The following TSPAN12 variants were observed in gnomAD, a reference collection of about 807,000 sequenced individuals.
The protein encoded by TSPAN12 is tetraspanin-12.
TSPAN12 carries 19 observed loss-of-function variants against 39.2 expected under a neutral mutation model. The observed-to-expected ratio is 0.49, with a 90% CI of 0.34 to 0.71. The LOEUF (loss-of-function observed/expected upper bound fraction) is 0.71. TSPAN12 is among the 30% of genes least tolerant of loss of function. The pLI is 0.01. For synonymous variants in TSPAN12, 119 were observed against 124.8 expected (o/e 0.95, Z 0.31); for missense variants, 314 against 359.9 (o/e 0.87, Z 1.03).
At chr7:120,839,882 G>C (rs1794545271) in intron 3 of TSPAN12, 145 bp downstream of exon 3, 2 of 679,548 alleles carry the variant, frequency 2.9e-6, no homozygotes, top group African/African-American at 3.6e-5. Flanking sequence ...GAATTCTGGA[G>C]GATGCAAGTG....
At chr7:120,828,424 C>T (rs554546072) in intron 4 of TSPAN12, among the ~76,000 whole-genome samples, 17 of 152,164 alleles carry the variant, frequency 1.1e-4, no homozygotes, top group Non-Finnish European at 2.1e-4. Context: ...CTAAGACATA[C>T]ATGTGCCCTT....
chr7:120,856,687 AACTT>A lies in TSPAN12; in HGVS notation c.66+7_66+10del, dbSNP rs778359162. ...CCGTTCCCACCTGTTGGTGCAGTGA[AACTT>A]ACTTACCCAAAAGAGCAGATTGAGG... is the stretch of plus-strand genomic sequence containing the variant. On this transcript the variant is annotated splice_region_variant and intron_variant, in intron 2 of 7. Coordinates refer to ENST00000222747, the MANE Select transcript of TSPAN12 (RefSeq NM_012338.4). 1.9e-5 allele frequency: 31 copies of A among 1,614,062 alleles called. No individual in the cohort carries two copies. Among genetic ancestry groups the A allele is most frequent in the East Asian group, 4.5e-5 (2 of 44,884 alleles).
intron 7 of TSPAN12, among the ~76,000 whole-genome samples, chr7:120,789,397 T>C (rs1793476764): frequency 6.6e-6 from 1 of 152,202 alleles, no homozygotes; most frequent in Non-Finnish European, 1.5e-5. Flanking sequence ...ATGTTTACGA[T>C]TTAATAATAC....
chr7:120,801,649 T>G (rs937691128), intron 7 of TSPAN12, among the ~76,000 whole-genome samples: 3 of 152,190 alleles, frequency 2.0e-5, no homozygotes, highest in African/African-American at 7.2e-5. Flanking sequence ...CCTCTTTGTT[T>G]TACATTTTGA....
At chr7:120,789,005 G>T (rs1033860085) in intron 7 of TSPAN12, 108 bp from the exon 8 acceptor site, 3 of 1,138,012 alleles carry the variant, frequency 2.6e-6, no homozygotes, top group Non-Finnish European at 3.9e-6. Flanking sequence ...AGACTAACTG[G>T]GATCATAAAG....
chr7:120,810,677 G>A, intron 5 of TSPAN12, 107 bp from the exon 6 acceptor site: 1 of 741,118 alleles, frequency 1.3e-6, no homozygotes, highest in Non-Finnish European at 2.5e-6. Flanking sequence ...TACTCGGAAT[G>A]TCTTCTAATT....
upstream of TSPAN12, chr7:120,858,198 TC>T (rs1205242392): frequency 4.6e-5 from 7 of 152,284 alleles, no homozygotes; most frequent in Admixed American, 3.9e-4. Flanking sequence ...TTCTTGTCCC[TC>T]TCACCCAGCG....
intron 4 of TSPAN12, among the ~76,000 whole-genome samples, chr7:120,834,904 C>T (rs1279909361): frequency 3.3e-5 from 5 of 152,180 alleles, no homozygotes; most frequent in East Asian, 1.9e-4. Context: ...ACTATTTTAC[C>T]GCCCACCCCT....
intron 2 of TSPAN12, among the ~76,000 whole-genome samples, chr7:120,846,754 T>C (rs747514679): frequency 5.9e-5 from 9 of 152,216 alleles, no homozygotes; most frequent in Admixed American, 1.3e-4. Flanking sequence ...ATCAGGGATA[T>C]AAATATGTAA....
rs535658634 is a variant in TSPAN12 at position 120,827,835 on chromosome 7, G to T, written c.285+10942C>A. On this transcript the variant is annotated intron_variant, in intron 4 of 7. Transcript: ENST00000222747. ...CACTGACACTAGTTGTTTAAGAAAA[G>T]TCTTTTCCCTGAGGCTGAAAAATCG... 3.9e-5 allele frequency among the ~76,000 whole-genome samples: 6 copies of T among 152,284 alleles called. No homozygotes were observed. The East Asian group carries it at 9.6e-4, about 24-fold the overall frequency.
intron 7 of TSPAN12, among the ~76,000 whole-genome samples, chr7:120,790,325 G>C (rs1793497782): frequency 6.6e-6 from 1 of 152,126 alleles, no homozygotes; most frequent in South Asian, 2.1e-4. Context: ...ATCTCTCTGT[G>C]CTTCAGTTTT....
At chr7:120,832,109 C>G (rs1429634864) in intron 4 of TSPAN12, among the ~76,000 whole-genome samples, 2 of 151,976 alleles carry the variant, frequency 1.3e-5, no homozygotes, top group Non-Finnish European at 2.9e-5. Flanking sequence ...ACATTACTAT[C>G]ATGTAATGCT....
chr7:120,792,959 TC>T (rs1239427930), intron 7 of TSPAN12, among the ~76,000 whole-genome samples: 1 of 152,220 alleles, frequency 6.6e-6, no homozygotes, highest in African/African-American at 2.4e-5. Flanking sequence ...GACAGCCCTG[TC>T]CACACCGGAA....
At chr7:120,851,422 T>TA (rs1554404839) in intron 2 of TSPAN12, among the ~76,000 whole-genome samples, 1 of 152,182 alleles carries the variant, frequency 6.6e-6, no homozygotes, top group Non-Finnish European at 1.5e-5. Context: ...TAACGGTAAG[T>TA]AAAAAACAAT....
intron 7 of TSPAN12, among the ~76,000 whole-genome samples, chr7:120,805,263 T>C (rs1793849383): frequency 6.6e-6 from 1 of 152,116 alleles, no homozygotes; most frequent in African/African-American, 2.4e-5. Context: ...GGATCACTTG[T>C]ATAGGTAGTA....
chr7:120,857,792 G>A (rs1794904254), intron 1 of TSPAN12, 28 bp downstream of exon 1: 1 of 152,296 alleles, frequency 6.6e-6, no homozygotes, highest in African/African-American at 2.4e-5. Context: ...CAGCGGGCAG[G>A]AAAGGCGACA....
chr7:120,816,384 G>A (rs1050204817), intron 4 of TSPAN12, among the ~76,000 whole-genome samples: 2 of 151,340 alleles, frequency 1.3e-5, no homozygotes, highest in East Asian at 3.9e-4. Flanking sequence ...ACACAAAGTT[G>A]AATATGGTGT....
At position 120,806,635 on chromosome 7, in the gene TSPAN12, A is replaced by T; in HGVS notation, c.526T>A (p.Trp176Arg). 6.2e-7 allele frequency: 1 copy of T among 1,613,636 alleles called. No individual in the cohort carries two copies. Among genetic ancestry groups the T allele is most frequent in the Non-Finnish European group, 8.5e-7 (1 of 1,179,656 alleles). Residue 176 changes from tryptophan to arginine, a missense_variant, in exon 7 of 8, where the codon TGG (tryptophan) becomes AGG (arginine). By Grantham distance (101) the Trp-to-Arg change is moderately radical (BLOSUM62 -3). Coordinates refer to ENST00000222747, the MANE Select transcript of TSPAN12 (RefSeq NM_012338.4). ...TDWLEMTEMDWPPDSCCVREF... is the reference protein window; with the variant it reads ...TDWLEMTEMDRPPDSCCVREF... Reference sequence around the variant, plus strand: ...CTAACACAGCAGGAATCTGGGGGCCAGTCCATCTCTGTCATTTCCAACCAG... The same window carrying T: ...CTAACACAGCAGGAATCTGGGGGCCTGTCCATCTCTGTCATTTCCAACCAG...
chr7:120,799,605 A>C (rs1341748627), intron 7 of TSPAN12, among the ~76,000 whole-genome samples: 5 of 115,678 alleles, frequency 4.3e-5, no homozygotes, highest in African/African-American at 1.4e-4. Context: ...ATTATATATA[A>C]TTATATATAT....
Sources: allele counts gnomAD v4.1 joint callset (sites outside exome capture counted in the v4.1 genomes callset), GRCh38; gene constraint gnomAD v4.1.1; transcripts MANE v1.5; gene names NCBI Gene and HGNC (gene_info 2026-07-23, HGNC 2026-07-21).